KLHL14: variants seen among roughly 807,000 people sequenced by gnomAD.
KLHL14 encodes the protein kelch-like protein 14.
A neutral mutation model predicts 64.3 loss-of-function variants in KLHL14; 22 were observed. That is an observed-to-expected ratio of 0.34 (90% CI 0.24 to 0.49). The LOEUF (loss-of-function observed/expected upper bound fraction) is 0.49. Among genes scored for constraint, KLHL14 ranks in the 20% least tolerant of loss-of-function variants. The pLI, the probability that KLHL14 is intolerant of heterozygous loss-of-function variation, is 0.99. For synonymous variants in KLHL14, 322 were observed against 333.4 expected (o/e 0.97, Z 0.37); for missense variants, 661 against 789.0 (o/e 0.84, Z 1.94).
chr18:32,709,884 A>C (rs1407931397), intron 3 of KLHL14, among the ~76,000 whole-genome samples: 2 of 152,248 alleles, frequency 1.3e-5, no homozygotes, highest in African/African-American at 4.8e-5. Context: ...TGAAATTTTA[A>C]ATAGAGAAAG....
In KLHL14 at chr18:32,683,083, C is replaced by T. The variant is rs1367429892; in HGVS notation, c.1239-2484G>A. ...TTTGAAGAATAAGAGGAAGATCTCC[C>T]TTTGGTGAACTCATTTTCTTGTCTA... On this transcript the variant is annotated intron_variant, in intron 5 of 8. Transcript: ENST00000359358. This position sits in a 1 kb window ranked among gnomAD's most constrained non-coding sequence, Gnocchi z 4.2. Among the ~76,000 whole-genome samples the T allele has an allele frequency of 6.6e-6, 1 of 152,116 alleles. No individual in the cohort carries two copies. The highest frequency in any genetic ancestry group is 1.5e-5 in the Non-Finnish European group (1 of 68,012).
At chr18:32,743,195 T>A (rs1015787363) in intron 2 of KLHL14, 3 of 152,196 alleles carry the variant, frequency 2.0e-5, no homozygotes, top group Admixed American at 6.5e-5. Flanking sequence ...GGAACAACAA[T>A]GATTGAAGGA....
At chr18:32,758,032 C>T (rs1180258584) in intron 2 of KLHL14, among the ~76,000 whole-genome samples, 2 of 152,096 alleles carry the variant, frequency 1.3e-5, no homozygotes, top group African/African-American at 4.8e-5. Context: ...TAATCATAAA[C>T]AGACACATAG....
At chr18:32,695,649 A>G (rs1598552396) in intron 3 of KLHL14, 97 bp from the exon 4 acceptor site, 13 of 733,206 alleles carry the variant, frequency 1.8e-5, no homozygotes, top group East Asian at 2.7e-5. Context: ...AGTGCATAAA[A>G]TGTGAGACTG....
At position 32,680,140 on chromosome 18, in the gene KLHL14, A is replaced by G; in HGVS notation, c.1588+29T>C. The G allele has an allele frequency of 6.2e-7, 1 of 1,607,870 alleles. No homozygotes were observed. The highest frequency in any genetic ancestry group is 1.7e-5 in the Admixed American group (1 of 59,710). ...AATATGAGGTGCAAATGTTATTGTG[A>G]CTAAAAAACAAAACAACAAAAAAAA... On this transcript the variant is annotated intron_variant, in intron 7 of 8. Coordinates refer to ENST00000359358, the MANE Select transcript of KLHL14 (RefSeq NM_020805.3). This position sits in a 1 kb window ranked among gnomAD's most constrained non-coding sequence, Gnocchi z 4.8.
chr18:32,771,746 G>T (rs1371728024), intron 1 of KLHL14, among the ~76,000 whole-genome samples: 2 of 143,276 alleles, frequency 1.4e-5, no homozygotes, highest in Non-Finnish European at 3.0e-5. Context: ...GTAACTATGA[G>T]AAGTTCAAGT....
intron 3 of KLHL14, among the ~76,000 whole-genome samples, chr18:32,711,928 T>A (rs760304224): frequency 2.0e-5 from 3 of 152,244 alleles, no homozygotes; most frequent in Admixed American, 2.0e-4. Flanking sequence ...TACATCGCTA[T>A]GTGAATAAGC....
intron 1 of KLHL14, chr18:32,772,084 TC>T: frequency 4.4e-6 from 1 of 229,724 alleles, no homozygotes; most frequent in Non-Finnish European, 8.4e-6. Context: ...TCTGCTTGCA[TC>T]CCGCCCGCGC....
At chr18:32,761,822 C>T (rs181940916) in intron 2 of KLHL14, among the ~76,000 whole-genome samples, 33 of 152,246 alleles carry the variant, frequency 2.2e-4, no homozygotes, top group African/African-American at 7.5e-4. Context: ...TATTCCATAG[C>T]ACAACTTCTG....
intron 3 of KLHL14, among the ~76,000 whole-genome samples, chr18:32,722,249 A>G (rs1050813924): frequency 2.6e-5 from 4 of 152,206 alleles, no homozygotes; most frequent in African/African-American, 9.7e-5. Context: ...ACAGACTAAT[A>G]CATTTTCCTT....
At chr18:32,712,536 C>T (rs575257465) in intron 3 of KLHL14, among the ~76,000 whole-genome samples, 8 of 152,128 alleles carry the variant, frequency 5.3e-5, no homozygotes, top group East Asian at 1.9e-4. Flanking sequence ...TTATGTCTTG[C>T]GTCATTAATT....
At chr18:32,756,042 C>G (rs904823996) in intron 2 of KLHL14, among the ~76,000 whole-genome samples, 1 of 152,088 alleles carries the variant, frequency 6.6e-6, no homozygotes, top group Non-Finnish European at 1.5e-5. Context: ...TGTTACGGAC[C>G]AAACTGTGTT....
At chr18:32,755,616 CAAA>C (rs1441991868) in intron 2 of KLHL14, among the ~76,000 whole-genome samples, 1 of 151,972 alleles carries the variant, frequency 6.6e-6, no homozygotes, top group Non-Finnish European at 1.5e-5. Context: ...GTAGCAAATT[CAAA>C]AAACAGAAGC....
At position 32,683,919 on chromosome 18, in the gene KLHL14, G is replaced by A. The variant is rs1024460056; in HGVS notation, c.1238+3236C>T. On this transcript the variant is annotated intron_variant, in intron 5 of 8. Transcript: ENST00000359358. The surrounding 1 kb of genome is among the most constrained non-coding windows in gnomAD (Gnocchi z 4.2). ...TTTCTTGTAACACAAAATATTACTA[G>A]AAAAACAAAATATTTAAAATTTGAT... is the stretch of plus-strand genomic sequence containing the variant. 6.6e-6 allele frequency among the ~76,000 whole-genome samples: 1 copy of A among 152,064 alleles called. No individual in the cohort carries two copies. The highest frequency in any genetic ancestry group is 1.5e-5 in the Non-Finnish European group (1 of 68,010).
intron 3 of KLHL14, among the ~76,000 whole-genome samples, chr18:32,732,436 A>G (rs1387274844): frequency 6.6e-6 from 1 of 152,230 alleles, no homozygotes; most frequent in Non-Finnish European, 1.5e-5. Context: ...TGTTGTAAAC[A>G]TTAGGGGCTA....
At chr18:32,745,966 A>G (rs1472393776) in intron 2 of KLHL14, among the ~76,000 whole-genome samples, 2 of 152,212 alleles carry the variant, frequency 1.3e-5, no homozygotes, top group Non-Finnish European at 2.9e-5. Context: ...AGAGCTTTAC[A>G]GGTTTAATTT....
At chr18:32,714,726 A>G (rs2050036288) in intron 3 of KLHL14, among the ~76,000 whole-genome samples, 2 of 152,082 alleles carry the variant, frequency 1.3e-5, no homozygotes, top group African/African-American at 4.8e-5. Context: ...GCAATTTTGA[A>G]CTGAGCCACT....
chr18:32,755,866 A>AT (rs570524053), intron 2 of KLHL14, among the ~76,000 whole-genome samples: 6 of 151,676 alleles, frequency 4.0e-5, no homozygotes, highest in East Asian at 3.9e-4. Flanking sequence ...AAGGATCTGA[A>AT]TTTTTTTTTC....
intron 2 of KLHL14, chr18:32,744,824 C>T (rs1229666586): frequency 6.6e-6 from 1 of 152,186 alleles, no homozygotes; most frequent in East Asian, 1.9e-4. Flanking sequence ...TGTCTTTGTT[C>T]TCTTGCCCAA....
Sources: allele counts gnomAD v4.1 joint callset (sites outside exome capture counted in the v4.1 genomes callset), GRCh38; gene constraint gnomAD v4.1.1; non-coding constraint Gnocchi (gnomAD v3.1); transcripts MANE v1.5; gene names NCBI Gene and HGNC (gene_info 2026-07-23, HGNC 2026-07-21).